PRDM11: variants seen among roughly 807,000 people sequenced by gnomAD.
PRDM11 encodes the protein PR domain-containing protein 11.
Under a neutral mutation model 97.8 loss-of-function variants are expected in PRDM11, and 20 were observed. That is an observed-to-expected ratio of 0.20 (90% CI 0.14 to 0.30). The LOEUF (loss-of-function observed/expected upper bound fraction) is 0.30. Among genes scored for constraint, PRDM11 ranks in the 10% least tolerant of loss-of-function variants. PRDM11 has a pLI of 1.00. For missense variants in PRDM11, 1,139 were observed against 1,555.2 expected, an observed-to-expected ratio of 0.73 and a Z score of 4.50; for synonymous variants, 599 against 637.7, an observed-to-expected ratio of 0.94 and a Z score of 0.91.
intron 1 of PRDM11, among the ~76,000 whole-genome samples, chr11:45,153,557 C>T (rs1231639566): frequency 6.6e-6 from 1 of 152,208 alleles, no homozygotes; most frequent in Non-Finnish European, 1.5e-5. Flanking sequence ...GGGGTCCTCT[C>T]ATGCCTCTTG....
At chr11:45,106,529 G>A (rs989603222) in intron 1 of PRDM11, among the ~76,000 whole-genome samples, 1 of 152,174 alleles carries the variant, frequency 6.6e-6, no homozygotes, top group East Asian at 1.9e-4. Flanking sequence ...TGGATTCTGT[G>A]GGTCAGAAAT....
At chr11:45,195,390 C>T (rs771509954) in intron 4 of PRDM11, among the ~76,000 whole-genome samples, 3 of 152,186 alleles carry the variant, frequency 2.0e-5, no homozygotes, top group East Asian at 3.9e-4. Context: ...CCCTCACCCC[C>T]ACCCATCCCT....
At position 45,152,017 on chromosome 11, in the gene PRDM11, C is replaced by T. The variant is rs1851672309; in HGVS notation, c.-7+5140C>T. Among the ~76,000 whole-genome samples the T allele has an allele frequency of 2.0e-5, 3 of 152,160 alleles. No individual in the cohort carries two copies. The South Asian group carries it at 6.2e-4, about 32-fold the overall frequency. Reference sequence around the variant, plus strand: ...CCCCAGTTATCTCCATGGCATGCCCCCTTGCCTCCCCCAGGACTTCTGCTC... The same window carrying T: ...CCCCAGTTATCTCCATGGCATGCCCTCTTGCCTCCCCCAGGACTTCTGCTC... On this transcript the variant is annotated intron_variant, in intron 1 of 7. Coordinates refer to ENST00000683152, the MANE Select transcript of PRDM11 (RefSeq NM_001384648.1).
At chr11:45,177,419 C>T (rs1852355026) in intron 1 of PRDM11, among the ~76,000 whole-genome samples, 1 of 152,216 alleles carries the variant, frequency 6.6e-6, no homozygotes, top group Non-Finnish European at 1.5e-5. Flanking sequence ...GAAAAGGCAA[C>T]AGGGGCTTTA....
At position 45,194,188 on chromosome 11, in the gene PRDM11, C is replaced by T. The variant is rs1222673901; in HGVS notation, c.487-10523C>T. 2.6e-5 allele frequency among the ~76,000 whole-genome samples: 4 copies of T among 152,296 alleles called. No individual in the cohort carries two copies. The South Asian group carries it at 6.2e-4, about 24-fold the overall frequency. On this transcript the variant is annotated intron_variant, in intron 4 of 7. Coordinates refer to ENST00000683152, the MANE Select transcript of PRDM11 (RefSeq NM_001384648.1). The stretch of plus-strand genomic sequence containing the variant: ...ACGGATGCCACCTCAGCCATAAATG[C>T]AGTACTCTTGCGGGTGCAGAAATCT...
At chr11:45,143,332 T>C (rs779258575), upstream of PRDM11, among the ~76,000 whole-genome samples, 2 of 152,062 alleles carry the variant, frequency 1.3e-5, no homozygotes, top group Non-Finnish European at 2.9e-5. Flanking sequence ...TTATTACTAG[T>C]AGGGGGTGGA....
intron 1 of PRDM11, among the ~76,000 whole-genome samples, chr11:45,114,216 A>G (rs906944867): frequency 6.6e-6 from 1 of 152,166 alleles, no homozygotes; most frequent in Non-Finnish European, 1.5e-5. Flanking sequence ...ATGAATGAAT[A>G]GAGGGAAAAT....
intron 1 of PRDM11, among the ~76,000 whole-genome samples, chr11:45,176,929 A>C (rs886779783): frequency 2.0e-5 from 3 of 152,178 alleles, no homozygotes; most frequent in African/African-American, 7.2e-5. Flanking sequence ...TCACCTAAAA[A>C]ACTGACAGCA....
intron 6 of PRDM11, among the ~76,000 whole-genome samples, 173 bp from the exon 7 acceptor site, chr11:45,224,044 A>G (rs1182616512): frequency 6.6e-6 from 1 of 152,232 alleles, no homozygotes; most frequent in Non-Finnish European, 1.5e-5. Flanking sequence ...CTATGAGTCT[A>G]GCTCTGATGG....
At chr11:45,220,653 C>A (rs1837853665) in intron 6 of PRDM11, among the ~76,000 whole-genome samples, 3 of 148,278 alleles carry the variant, frequency 2.0e-5, no homozygotes, top group Non-Finnish European at 4.4e-5. Context: ...CAAAACCAGT[C>A]CCCTCCTGGG....
chr11:45,225,201 G>A, intron 7 of PRDM11: 1 of 1,141,978 alleles, frequency 8.8e-7, no homozygotes, highest in Non-Finnish European at 1.1e-6. Flanking sequence ...CAAGCAGGGT[G>A]TCCCACTGGA....
chr11:45,108,019 T>C (rs1270855248), intron 1 of PRDM11, among the ~76,000 whole-genome samples: 1 of 152,074 alleles, frequency 6.6e-6, no homozygotes, highest in Non-Finnish European at 1.5e-5. Context: ...GTGTATTTTG[T>C]ATTTTTAGTA....
chr11:45,202,393 G>A (rs1167842629), intron 4 of PRDM11, among the ~76,000 whole-genome samples: 1 of 152,218 alleles, frequency 6.6e-6, no homozygotes, highest in Non-Finnish European at 1.5e-5. Flanking sequence ...TGATAGACCA[G>A]GGATGAGGTA....
At chr11:45,136,321 AATGTGTG>A (rs1219842012) in intron 1 of PRDM11, among the ~76,000 whole-genome samples, 1 of 152,230 alleles carries the variant, frequency 6.6e-6, no homozygotes, top group African/African-American at 2.4e-5. Flanking sequence ...TTTTAAAATT[AATGTGTG>A]CCTAGTAAGC....
At chr11:45,216,641 G>T (rs1217572402) in intron 5 of PRDM11, among the ~76,000 whole-genome samples, 1 of 152,174 alleles carries the variant, frequency 6.6e-6, no homozygotes, top group Admixed American at 6.5e-5. Context: ...ACCAAGAGTT[G>T]CCATATACAT....
At chr11:45,225,139 G>T in intron 7 of PRDM11, 1 of 1,390,006 alleles carries the variant, frequency 7.2e-7, no homozygotes, top group Non-Finnish European at 9.3e-7. Context: ...TGGTACTGGT[G>T]TCTTACCCCA....
rs374978490 is a variant in PRDM11 at position 45,184,442 on chromosome 11, C to T, written c.486+1319C>T. ...CCCACACCCCTTTCCCCAGGTAGAG[C>T]GTGTGGGAGTTCTGTAGTCGGCAAT... On this transcript the variant is annotated intron_variant, in intron 4 of 7. Transcript: ENST00000683152. Among the ~76,000 whole-genome samples, 9 of 152,238 alleles carry T rather than the reference C, an allele frequency of 5.9e-5. No homozygotes were observed. The South Asian group carries it at 8.3e-4, about 14-fold the overall frequency.
chr11:45,152,258 G>T (rs538060846), intron 1 of PRDM11, among the ~76,000 whole-genome samples: 1 of 152,148 alleles, frequency 6.6e-6, no homozygotes, highest in Admixed American at 6.5e-5. Flanking sequence ...GTAGAGACTG[G>T]GGTCTCACCA....
Position 45,219,813 on chromosome 11 carries a change from G to A in PRDM11, c.742+56G>A. On this transcript the variant is annotated intron_variant, in intron 6 of 7. Transcript: ENST00000683152. This position sits in a 1 kb window ranked among gnomAD's most constrained non-coding sequence, Gnocchi z 4.2. ...CACCTCTGAGCCCCAGGGGAGGCCTGGATAGCTTGTTTTGGAGCTTCCTGA... is the reference window on the plus strand; with the variant it reads ...CACCTCTGAGCCCCAGGGGAGGCCTAGATAGCTTGTTTTGGAGCTTCCTGA... The A allele has an allele frequency of 6.5e-7, 1 of 1,536,184 alleles. No homozygotes were observed. The highest frequency in any genetic ancestry group is 8.8e-7 in the Non-Finnish European group (1 of 1,137,878).
Sources: gnomAD v4.1 joint callset for allele counts (sites outside exome capture counted in the v4.1 genomes callset) on GRCh38, gnomAD v4.1.1 for gene constraint, Gnocchi (gnomAD v3.1) non-coding constraint, MANE v1.5 for transcripts, NCBI Gene and HGNC (gene_info 2026-07-23, HGNC 2026-07-21) for gene names.